The following NLGN4Y variants were observed in gnomAD, a reference collection of about 807,000 sequenced individuals.
NLGN4Y encodes neuroligin-4, Y-linked.
A neutral mutation model predicts 8.4 loss-of-function variants in NLGN4Y; 4 were observed. That is an observed-to-expected ratio of 0.48 (90% confidence interval 0.23 to 1.09). The LOEUF (loss-of-function observed/expected upper bound fraction) is 1.09. Ranked by LOEUF, NLGN4Y falls within the 50% of genes least tolerant of loss-of-function variation. NLGN4Y has a pLI of 0.19. For missense variants in NLGN4Y, 90 were observed against 192.3 expected, an observed-to-expected ratio of 0.47 and a Z score of 3.15; for synonymous variants, 35 against 75.6, an observed-to-expected ratio of 0.46 and a Z score of 2.78.
intron 4 of NLGN4Y, among the ~76,000 whole-genome samples, chrY:14,822,175 C>G: frequency 2.9e-5 from 1 of 34,003 alleles, no homozygotes; most frequent in Admixed American, 2.7e-4. Context: ...AATTCCAATG[C>G]AGAAACTGTG....
intron 4 of NLGN4Y, among the ~76,000 whole-genome samples, chrY:14,795,061 G>T (rs2150581132): frequency 3.0e-5 from 1 of 32,851 alleles, no homozygotes; most frequent in South Asian, 6.9e-4. Flanking sequence ...TTTCAGTAGA[G>T]ATGGGCTTTC....
Position 14,808,102 on chromosome Y carries a change from C to T in NLGN4Y, c.686-16086C>T, listed in dbSNP as rs561284926. Among the ~76,000 whole-genome samples, 260 of 32,701 alleles carry T rather than the reference C, an allele frequency of 8.0e-3. No homozygotes were observed. The South Asian group carries it at 0.17, about 21-fold the overall frequency. 87.7% of individuals were successfully genotyped at this position (32,701 alleles called of 37,273 possible). On this transcript the variant is annotated intron_variant, in intron 4 of 6. Coordinates refer to ENST00000684976, the MANE Select transcript of NLGN4Y (RefSeq NM_001365588.1). The stretch of plus-strand genomic sequence containing the variant: ...GGCTGGAATGCAATGGCATGATCTC[C>T]GCACACTACAATTTCTCCTCCCAGG...
At chrY:14,638,164 T>C in intron 2 of NLGN4Y, among the ~76,000 whole-genome samples, 1 of 32,547 alleles carries the variant, frequency 3.1e-5, no homozygotes, top group Non-Finnish European at 7.5e-5. Flanking sequence ...TCTGATGCTA[T>C]CCCTCCCGTA....
At chrY:14,608,189 T>C in intron 1 of NLGN4Y, among the ~76,000 whole-genome samples, 1 of 33,737 alleles carries the variant, frequency 3.0e-5, no homozygotes, top group African/African-American at 1.2e-4. Context: ...ATAGTTCCTT[T>C]TGCTGTGCAG....
At chrY:14,529,958 CAT>C (rs2080105853) in intron 1 of NLGN4Y, among the ~76,000 whole-genome samples, 1 of 25,390 alleles carries the variant, frequency 3.9e-5, no homozygotes, top group South Asian at 9.7e-4. Context: ...TATACACACA[CAT>C]ATGTACATAC....
At position 14,633,181 on chromosome Y, in the gene NLGN4Y, G is replaced by T; in HGVS notation, c.472+10590G>T. Among the ~76,000 whole-genome samples the T allele has an allele frequency of 9.0e-5, 3 of 33,277 alleles. No homozygotes were observed. The East Asian group carries it at 2.4e-3, about 26-fold the overall frequency. The allele number at this position is 33,277 out of a possible 37,273, so 89.3% of individuals were successfully genotyped here. ...AAACTTTAGGTACATCTAGTCCATT[G>T]GAATATTTGGCCATTTAAAACAATT... is the stretch of plus-strand genomic sequence containing the variant. On this transcript the variant is annotated intron_variant, in intron 2 of 6. Transcript: ENST00000684976.
intron 1 of NLGN4Y, among the ~76,000 whole-genome samples, chrY:14,533,882 G>T (rs2080122399): frequency 3.0e-5 from 1 of 33,058 alleles, no homozygotes; most frequent in Non-Finnish European, 7.4e-5. Flanking sequence ...TGCTGAGAAT[G>T]ATGGTTTCCA....
chrY:14,608,315 C>A, intron 1 of NLGN4Y, among the ~76,000 whole-genome samples: 1 of 33,313 alleles, frequency 3.0e-5, no homozygotes. Flanking sequence ...CCTACATTTT[C>A]TTCTAGTTTT....
At chrY:14,696,489 T>G (rs2080828013) in intron 2 of NLGN4Y, among the ~76,000 whole-genome samples, 1 of 32,714 alleles carries the variant, frequency 3.1e-5, no homozygotes, top group Non-Finnish European at 7.5e-5. Context: ...ATTTTTGGCT[T>G]TTCTTGGCAG....
intron 1 of NLGN4Y, among the ~76,000 whole-genome samples, chrY:14,540,714 G>A: frequency 3.0e-5 from 1 of 33,648 alleles, no homozygotes; most frequent in Non-Finnish European, 7.3e-5. Context: ...GCAATCTCCA[G>A]CAGAACTGCA....
At chrY:14,832,515 A>G in intron 6 of NLGN4Y, among the ~76,000 whole-genome samples, 4 of 34,175 alleles carry the variant, frequency 1.2e-4, no homozygotes, top group African/African-American at 4.6e-4. Flanking sequence ...CCAGAGTGCC[A>G]AAATCTGTAT....
intron 4 of NLGN4Y, among the ~76,000 whole-genome samples, chrY:14,814,610 T>C: frequency 3.0e-5 from 1 of 33,258 alleles, no homozygotes; most frequent in Non-Finnish European, 7.4e-5. Flanking sequence ...TTCACAAGTC[T>C]TTTCCTGTAA....
At chrY:14,692,803 T>C in intron 2 of NLGN4Y, among the ~76,000 whole-genome samples, 1 of 33,708 alleles carries the variant, frequency 3.0e-5, no homozygotes, top group South Asian at 6.5e-4. Flanking sequence ...ATCTGCATCA[T>C]TAAAAATATT....
chrY:14,801,850 TAA>T (rs2043034249), intron 4 of NLGN4Y, among the ~76,000 whole-genome samples: 1 of 33,033 alleles, frequency 3.0e-5, no homozygotes, highest in South Asian at 6.8e-4. Flanking sequence ...TGGGCCATGT[TAA>T]GTTTATTCTT....
chrY:14,697,469 A>G, intron 2 of NLGN4Y, among the ~76,000 whole-genome samples: 1 of 25,672 alleles, frequency 3.9e-5, no homozygotes, highest in African/African-American at 1.7e-4. Flanking sequence ...AGTAAGACAT[A>G]TAGATATAGA....
intron 4 of NLGN4Y, among the ~76,000 whole-genome samples, chrY:14,799,397 G>T (rs2150582783): frequency 5.9e-5 from 2 of 33,616 alleles, no homozygotes; most frequent in South Asian, 6.6e-4. Context: ...CTGCTTTTAT[G>T]TTCTGTTATT....
At chrY:14,671,493 T>A (rs2080710314) in intron 2 of NLGN4Y, among the ~76,000 whole-genome samples, 27 of 29,579 alleles carry the variant, frequency 9.1e-4, no homozygotes, top group African/African-American at 3.6e-3. Flanking sequence ...ATCAAACCAC[T>A]GCACTCCAGC....
chrY:14,737,995 A>G, intron 4 of NLGN4Y, among the ~76,000 whole-genome samples: 1 of 33,042 alleles, frequency 3.0e-5, no homozygotes, highest in Non-Finnish European at 7.5e-5. Context: ...AAATATTTTA[A>G]TTATATTTTA....
Position 14,842,396 on chromosome Y carries a change from C to A in NLGN4Y, c.*1134C>A, listed in dbSNP as rs2043228247. ...ATTTGGGAAGAGTTGCTTCCTATTTCAGGACCCTGCCAAAAAAGAAGAAAG... is the reference window on the plus strand; with the variant it reads ...ATTTGGGAAGAGTTGCTTCCTATTTAAGGACCCTGCCAAAAAAGAAGAAAG... On this transcript the variant is annotated 3_prime_UTR_variant, in exon 7 of 7. Coordinates refer to ENST00000684976, the MANE Select transcript of NLGN4Y (RefSeq NM_001365588.1). The A allele has an allele frequency of 8.3e-6, 1 of 120,640 alleles. No homozygotes were observed. The highest frequency in any genetic ancestry group is 1.8e-5 in the Non-Finnish European group (1 of 56,011). The allele number at this position is 120,640 out of a possible 400,897, so 30.1% of individuals were successfully genotyped here.
Sources: allele counts gnomAD v4.1 joint callset (sites outside exome capture counted in the v4.1 genomes callset), GRCh38; gene constraint gnomAD v4.1.1; transcripts MANE v1.5; gene names NCBI Gene and HGNC (gene_info 2026-07-23, HGNC 2026-07-21).